The following CHRAC1 variants were observed in gnomAD, a reference collection of about 807,000 sequenced individuals.
CHRAC1 encodes chromatin accessibility complex subunit 1.
CHRAC1 carries 6 observed loss-of-function variants against 9.1 expected under a neutral mutation model. That is an observed-to-expected ratio of 0.66 (90% CI 0.36 to 1.29). The LOEUF (loss-of-function observed/expected upper bound fraction) is 1.29, where lower values mean the gene tolerates loss of function less well. CHRAC1 is among the 50% of genes most tolerant of loss of function. The pLI, the probability that CHRAC1 is intolerant of heterozygous loss-of-function variation, is 0.03. For missense variants in CHRAC1, 168 were observed against 163.5 expected (o/e 1.03, Z -0.15); for synonymous variants, 73 against 64.5 (o/e 1.13, Z -0.63).
intron 1 of CHRAC1, among the ~76,000 whole-genome samples, chr8:140,512,727 A>G (rs148760929): frequency 2.2e-4 from 34 of 152,356 alleles, no homozygotes; most frequent in Middle Eastern, 6.8e-3. Context: ...GCCCAGGGAA[A>G]TAATTGCATA....
At position 140,511,552 on chromosome 8, in the gene CHRAC1, C is replaced by G; in HGVS notation, c.53C>G (p.Ser18Trp). Residue 18 changes from serine (S) to tryptophan (W), a missense_variant, in exon 1 of 3, where the codon TCG (serine) becomes TGG (tryptophan). Coordinates refer to ENST00000220913, the MANE Select transcript of CHRAC1 (RefSeq NM_017444.6). ...AAGGGCGGGGAGCAGCGGCTCATCTCGCTGCCTCTATCCCGCATCCGGGTC... is the reference window on the plus strand; with the variant it reads ...AAGGGCGGGGAGCAGCGGCTCATCTGGCTGCCTCTATCCCGCATCCGGGTC... ...KDKGGEQRLI[S>W]LPLSRIRVIM... is the part of the protein sequence containing the mutation. 6.9e-7 allele frequency: 1 copy of G among 1,445,114 alleles called. No individual in the cohort carries two copies. The highest frequency in any genetic ancestry group is 2.8e-5 in the East Asian group (1 of 35,176). The allele number at this position is 1,445,114 out of a possible 1,614,324, so 89.5% of individuals were successfully genotyped here. A position where few individuals can be genotyped will look rare whatever the true frequency, so the allele number is the denominator to read the frequency against.
chr8:140,513,045 T>G (rs1397029516), intron 1 of CHRAC1, among the ~76,000 whole-genome samples: 1 of 152,208 alleles, frequency 6.6e-6, no homozygotes, highest in African/African-American at 2.4e-5. Flanking sequence ...CTTGAACTCC[T>G]GACCTCAGGT....
rs893011948 is a variant in CHRAC1 at position 140,511,595 on chromosome 8, C to T, written c.96C>T (p.Pro32=). The T allele has an allele frequency of 1.3e-5, 20 of 1,490,000 alleles. No homozygotes were observed. Among genetic ancestry groups the T allele is most frequent in the Non-Finnish European group, 1.6e-5 (18 of 1,114,322 alleles). The allele number at this position is 1,490,000 out of a possible 1,614,324, so 92.3% of individuals were successfully genotyped here. ...SRIRVIMKSS[P]EVSSINQEAL... Reference sequence around the variant, plus strand: ...TCCGGGTCATCATGAAGAGCTCCCCCGAGGTGTCCAGCATCAACCAGGAGG... The same window carrying T: ...TCCGGGTCATCATGAAGAGCTCCCCTGAGGTGTCCAGCATCAACCAGGAGG... The change falls in exon 1 of 3, where the codon CCC becomes CCT. Residue 32 remains proline, a synonymous_variant. Transcript: ENST00000220913.
At position 140,516,595 on chromosome 8, in the gene CHRAC1, C is replaced by G. The variant is rs143848359; in HGVS notation, c.*1348C>G. 6.6e-6 allele frequency: 1 copy of G among 151,834 alleles called. No individual in the cohort carries two copies. The highest frequency in any genetic ancestry group is 2.4e-5 in the African/African-American group (1 of 41,330). The allele number at this position is 151,834 out of a possible 1,614,324, so 9.4% of individuals were successfully genotyped here. Reference sequence around the variant, plus strand: ...CAGTTCTGCCACCCAGGACATTCCCCTCTGTTCCTCTGTTCCTCTCTTCTC... The same window carrying G: ...CAGTTCTGCCACCCAGGACATTCCCGTCTGTTCCTCTGTTCCTCTCTTCTC... On this transcript the variant is annotated 3_prime_UTR_variant, in exon 3 of 3. Coordinates refer to ENST00000220913, the MANE Select transcript of CHRAC1 (RefSeq NM_017444.6).
chr8:140,511,705 G>T (rs2072276917), intron 1 of CHRAC1, 59 bp downstream of exon 1: 2 of 1,272,482 alleles, frequency 1.6e-6, no homozygotes, highest in Non-Finnish European at 2.0e-6. Flanking sequence ...GCCCCGCCGG[G>T]CTCTGGGCAC....
At chr8:140,511,981 C>A (rs2072280960) in intron 1 of CHRAC1, 3 of 1,295,984 alleles carry the variant, frequency 2.3e-6, no homozygotes, top group Non-Finnish European at 3.0e-6. Flanking sequence ...CCGCCCACCC[C>A]ACTGTCCTCC....
At position 140,511,480 on chromosome 8, in the gene CHRAC1, C is replaced by T; in HGVS notation, c.-20C>T. The T allele has an allele frequency of 7.6e-7, 1 of 1,313,746 alleles. No individual in the cohort carries two copies. The allele number at this position is 1,313,746 out of a possible 1,614,324, so 81.4% of individuals were successfully genotyped here. A position where few individuals can be genotyped will look rare whatever the true frequency, so the allele number is the denominator to read the frequency against. ...CGGTCGGGCCCGCCGGCTGCGGGCA[C>T]CCGCGCGACGGGCGGGAAGATGGCG... is the stretch of plus-strand genomic sequence containing the variant. On this transcript the variant is annotated 5_prime_UTR_variant, in exon 1 of 3. Transcript: ENST00000220913.
In CHRAC1 at chr8:140,511,557, C is replaced by T. The variant is rs1477986411; in HGVS notation, c.58C>T (p.Pro20Ser). The T allele has an allele frequency of 6.9e-7, 1 of 1,457,040 alleles. No homozygotes were observed. The highest frequency in any genetic ancestry group is 1.5e-5 in the African/African-American group (1 of 68,590). 90.3% of individuals were successfully genotyped at this position (1,457,040 alleles called of 1,614,324 possible). Residue 20 changes from proline (P) to serine (S), a missense_variant, in exon 1 of 3, where the codon CCT becomes TCT. Pro to Ser is a moderately conservative substitution (Grantham distance 74). Coordinates refer to ENST00000220913, the MANE Select transcript of CHRAC1 (RefSeq NM_017444.6). ...KGGEQRLISLPLSRIRVIMKS... is the reference protein window; with the variant it reads ...KGGEQRLISLSLSRIRVIMKS... ...CGGGGAGCAGCGGCTCATCTCGCTG[C>T]CTCTATCCCGCATCCGGGTCATCAT...
In CHRAC1 at chr8:140,516,905, A is replaced by G. The variant is rs2072344518; in HGVS notation, c.*1658A>G. 6.6e-6 allele frequency: 1 copy of G among 152,142 alleles called. No homozygotes were observed. The highest frequency in any genetic ancestry group is 2.4e-5 in the African/African-American group (1 of 41,422). The allele number at this position is 152,142 out of a possible 1,614,324, so 9.4% of individuals were successfully genotyped here. A position where few individuals can be genotyped will look rare whatever the true frequency, so the allele number is the denominator to read the frequency against. On this transcript the variant is annotated 3_prime_UTR_variant, in exon 3 of 3. Transcript: ENST00000220913. ...GAAAGGGCCATGCAGTAAATAGTTCAAGCTTTGTGGGCTTTTATAGTCTCT... is the reference window on the plus strand; with the variant it reads ...GAAAGGGCCATGCAGTAAATAGTTCGAGCTTTGTGGGCTTTTATAGTCTCT...
chr8:140,512,122 G>A, intron 1 of CHRAC1: 1 of 859,782 alleles, frequency 1.2e-6, no homozygotes, highest in Non-Finnish European at 1.6e-6. Context: ...CCCTACCCGT[G>A]GGCGTCGGCG....
Position 140,516,390 on chromosome 8 carries a change from C to G in CHRAC1, c.*1143C>G, listed in dbSNP as rs1176555097. The G allele has an allele frequency of 6.6e-6, 1 of 151,980 alleles. No homozygotes were observed. The highest frequency in any genetic ancestry group is 1.5e-5 in the Non-Finnish European group (1 of 68,006). The allele number at this position is 151,980 out of a possible 1,614,324, so 9.4% of individuals were successfully genotyped here. On this transcript the variant is annotated 3_prime_UTR_variant, in exon 3 of 3. Coordinates refer to ENST00000220913, the MANE Select transcript of CHRAC1 (RefSeq NM_017444.6). ...CTCAAACTCCTAACCTCAACTGATCCACCTGCCTCAGCCTCCCAAAGTGCC... is the reference window on the plus strand; with the variant it reads ...CTCAAACTCCTAACCTCAACTGATCGACCTGCCTCAGCCTCCCAAAGTGCC...
At chr8:140,511,737 C>T (rs2072277469) in intron 1 of CHRAC1, 91 bp downstream of exon 1, 1 of 1,158,344 alleles carries the variant, frequency 8.6e-7, no homozygotes, top group East Asian at 3.4e-5. Context: ...CTTAGGCCCG[C>T]GCGCCGCCGG....
chr8:140,514,071 A>G (rs953081983), intron 1 of CHRAC1, among the ~76,000 whole-genome samples: 2 of 150,606 alleles, frequency 1.3e-5, no homozygotes, highest in African/African-American at 4.9e-5. Context: ...ATGCCCAGCT[A>G]ATTTTTGTAT....
At chr8:140,512,072 G>A (rs998041837) in intron 1 of CHRAC1, 128 of 1,246,904 alleles carry the variant, frequency 1.0e-4, no homozygotes, top group Non-Finnish European at 1.3e-4. Flanking sequence ...TCCCACCTGT[G>A]CGCTCACGTC....
At chr8:140,512,851 G>A (rs2072294040) in intron 1 of CHRAC1, among the ~76,000 whole-genome samples, 1 of 152,184 alleles carries the variant, frequency 6.6e-6, no homozygotes, top group African/African-American at 2.4e-5. Flanking sequence ...TTTTTGAGAT[G>A]GAGTTTCCCA....
In CHRAC1 at chr8:140,511,435, C is replaced by T. The variant is rs1244491148; in HGVS notation, c.-65C>T. 67 of 1,263,184 alleles carry T rather than the reference C, an allele frequency of 5.3e-5. No homozygotes were observed. The highest frequency in any genetic ancestry group is 6.2e-5 in the Non-Finnish European group (61 of 988,884). 78.2% of individuals were successfully genotyped at this position (1,263,184 alleles called of 1,614,324 possible). On this transcript the variant is annotated 5_prime_UTR_variant, in exon 1 of 3. Coordinates refer to ENST00000220913, the MANE Select transcript of CHRAC1 (RefSeq NM_017444.6). ...CGGCTCCCCGTACCCACCAGCTGGC[C>T]GGGCAGGGCAGCCACTTCGCGGTCG...
rs1448123191 is a variant in CHRAC1 at position 140,516,241 on chromosome 8, A to T, written c.*994A>T. On this transcript the variant is annotated 3_prime_UTR_variant, in exon 3 of 3. Coordinates refer to ENST00000220913, the MANE Select transcript of CHRAC1 (RefSeq NM_017444.6). ...CAGCTCACTGCAACCTCCGCCTCCC[A>T]GGTTCAAGTGATTCTCCTGCCTCAT... is the stretch of plus-strand genomic sequence containing the variant. 1 of 151,148 alleles carries T rather than the reference A, an allele frequency of 6.6e-6. No homozygotes were observed. Among genetic ancestry groups the T allele is most frequent in the Non-Finnish European group, 1.5e-5 (1 of 67,964 alleles). 9.4% of individuals were successfully genotyped at this position (151,148 alleles called of 1,614,324 possible).
intron 1 of CHRAC1, among the ~76,000 whole-genome samples, chr8:140,513,604 T>A (rs71514681): frequency 8.8e-5 from 10 of 113,426 alleles, no homozygotes; most frequent in Non-Finnish European, 1.9e-4. Context: ...GCTAATTTTG[T>A]TTTTTTTTTT....
At chr8:140,513,964 A>T (rs2072308548) in intron 1 of CHRAC1, among the ~76,000 whole-genome samples, 1 of 115,308 alleles carries the variant, frequency 8.7e-6, no homozygotes, top group East Asian at 2.7e-4. Flanking sequence ...TTGATCACCC[A>T]GGCCAGAGTG....
Sources: allele counts gnomAD v4.1 joint callset (sites outside exome capture counted in the v4.1 genomes callset), GRCh38; gene constraint gnomAD v4.1.1; transcripts MANE v1.5; gene names NCBI Gene and HGNC (gene_info 2026-07-23, HGNC 2026-07-21).